Variants in UBE3C observed in about 807,000 individuals in gnomAD.
UBE3C encodes the protein ubiquitin-protein ligase E3C.
UBE3C carries 42 observed loss-of-function variants against 129.4 expected under a neutral mutation model. The observed-to-expected ratio is 0.32, with a 90% CI of 0.25 to 0.42. The LOEUF (loss-of-function observed/expected upper bound fraction) is 0.42. Among genes scored for constraint, UBE3C ranks in the 10% least tolerant of loss-of-function variants. The pLI is 1.00. For missense variants in UBE3C, 1,049 were observed against 1,319.1 expected, an observed-to-expected ratio of 0.80 and a Z score of 3.17; for synonymous variants, 510 against 492.4, an observed-to-expected ratio of 1.04 and a Z score of -0.47.
intron 17 of UBE3C, among the ~76,000 whole-genome samples, chr7:157,225,845 A>C (rs567378260): frequency 1.3e-5 from 2 of 152,122 alleles, no homozygotes; most frequent in African/African-American, 4.8e-5. Flanking sequence ...CTGCTCTGCA[A>C]AAGGCTGAGG....
chr7:157,158,072 T>C (rs77259861), intron 1 of UBE3C, among the ~76,000 whole-genome samples: 24 of 123,628 alleles, frequency 1.9e-4, no homozygotes, highest in Non-Finnish European at 2.9e-4. Flanking sequence ...TTTTTTTTTT[T>C]CCTGTAAAGG....
rs909116475 is a variant in UBE3C, at chr7:157,143,939, G to C, written c.66+4601G>C. Reference sequence around the variant, plus strand: ...TACTTACAAAAGAGTCACACCTCCGGGAGTGGAGGAGAGTGGTGTCCAGGG... The same window carrying C: ...TACTTACAAAAGAGTCACACCTCCGCGAGTGGAGGAGAGTGGTGTCCAGGG... On this transcript the variant is annotated intron_variant, in intron 1 of 22. Transcript: ENST00000348165. Among the ~76,000 whole-genome samples the C allele has an allele frequency of 2.0e-5, 3 of 152,186 alleles. No homozygotes were observed. In the South Asian group the frequency reaches 6.2e-4, roughly 32 times the overall value.
intron 10 of UBE3C, chr7:157,192,534 T>C: frequency 2.6e-6 from 2 of 763,744 alleles, no homozygotes; most frequent in Non-Finnish European, 4.8e-6. Context: ...GGATGTACTG[T>C]CTGACTACAA....
chr7:157,156,300 CTT>C (rs1173730075), intron 1 of UBE3C, among the ~76,000 whole-genome samples: 6,209 of 85,060 alleles, frequency 0.073, 44 homozygotes, highest in African/African-American at 0.12. Context: ...ACCCCCAGTT[CTT>C]TTTTTTTTTT....
intron 22 of UBE3C, among the ~76,000 whole-genome samples, chr7:157,261,576 G>A (rs1429075270): frequency 5.3e-5 from 8 of 152,042 alleles, no homozygotes; most frequent in African/African-American, 7.2e-5. Flanking sequence ...TAGGCTTTCC[G>A]GTTAGCTTAG....
intron 22 of UBE3C, among the ~76,000 whole-genome samples, chr7:157,258,456 T>G (rs1340744064): frequency 6.6e-6 from 1 of 152,062 alleles, no homozygotes; most frequent in Non-Finnish European, 1.5e-5. Context: ...CTGTTTTGTT[T>G]GTTTCTTTGT....
chr7:157,251,919 G>A lies in UBE3C; in HGVS notation c.2695-2035G>A, dbSNP rs866407752. On this transcript the variant is annotated intron_variant, in intron 19 of 22. Transcript: ENST00000348165. ...GGAGGCCAAGGCAGGCAGATCATTTGAGGTCAGGAGTTCAGACCAGCCTGG... is the reference window on the plus strand; with the variant it reads ...GGAGGCCAAGGCAGGCAGATCATTTAAGGTCAGGAGTTCAGACCAGCCTGG... Among the ~76,000 whole-genome samples, 3 of 152,212 alleles carry A rather than the reference G, an allele frequency of 2.0e-5. No individual in the cohort carries two copies. The South Asian group carries it at 6.2e-4, about 32-fold the overall frequency.
At chr7:157,169,228 T>G in intron 3 of UBE3C, 106 bp downstream of exon 3, 1 of 724,754 alleles carries the variant, frequency 1.4e-6, no homozygotes, top group South Asian at 2.2e-5. Context: ...GACAGTAGTA[T>G]TCTTCCCAAT....
chr7:157,204,412 A>G (rs1563055005), intron 11 of UBE3C, among the ~76,000 whole-genome samples: 3 of 151,796 alleles, frequency 2.0e-5, no homozygotes, highest in South Asian at 4.2e-4. Flanking sequence ...AAAAAAAAAA[A>G]AAAAAATTTC....
intron 1 of UBE3C, among the ~76,000 whole-genome samples, chr7:157,144,696 A>C (rs1421554856): frequency 1.3e-5 from 2 of 151,944 alleles, no homozygotes; most frequent in African/African-American, 4.8e-5. Context: ...TTTTTAAAAA[A>C]AAATAGACTT....
chr7:157,160,770 C>T (rs1167105784), intron 1 of UBE3C, among the ~76,000 whole-genome samples: 2 of 152,192 alleles, frequency 1.3e-5, no homozygotes, highest in African/African-American at 4.8e-5. Flanking sequence ...TAGATCTTGT[C>T]TGCAGTGTTT....
At chr7:157,202,956 T>C (rs1444905059) in intron 11 of UBE3C, among the ~76,000 whole-genome samples, 3 of 152,242 alleles carry the variant, frequency 2.0e-5, no homozygotes, top group African/African-American at 7.2e-5. Flanking sequence ...ATCTAAAATA[T>C]AAACACACTC....
At chr7:157,207,670 A>G in intron 12 of UBE3C, 33 bp from the exon 13 acceptor site, 1 of 1,599,278 alleles carries the variant, frequency 6.3e-7, no homozygotes, top group South Asian at 1.1e-5. Flanking sequence ...AGATGGAAAA[A>G]GAAACAATAG....
intron 1 of UBE3C, among the ~76,000 whole-genome samples, chr7:157,149,615 A>T (rs1195538859): frequency 1.3e-5 from 2 of 152,144 alleles, no homozygotes; most frequent in Non-Finnish European, 2.9e-5. Context: ...GATATCCCCT[A>T]CTTGGCTTTA....
chr7:157,140,077 C>T (rs1228616759), intron 1 of UBE3C: 2 of 977,912 alleles, frequency 2.0e-6, no homozygotes, highest in South Asian at 4.7e-5. Context: ...TCTAGAATTT[C>T]TAGCTGTCTG....
intron 2 of UBE3C, among the ~76,000 whole-genome samples, chr7:157,167,377 G>A (rs1808246186): frequency 6.6e-6 from 1 of 152,158 alleles, no homozygotes; most frequent in Non-Finnish European, 1.5e-5. Context: ...ATGGTGAGAT[G>A]GAGTACAGGC....
intron 11 of UBE3C, among the ~76,000 whole-genome samples, chr7:157,205,346 T>C (rs145887398): frequency 2.6e-5 from 4 of 152,278 alleles, no homozygotes; most frequent in African/African-American, 9.6e-5. Flanking sequence ...CCTTTTTTTT[T>C]TGGACCCAAT....
intron 10 of UBE3C, among the ~76,000 whole-genome samples, chr7:157,189,895 G>A (rs1477215288): frequency 6.6e-6 from 1 of 152,094 alleles, no homozygotes; most frequent in African/African-American, 2.4e-5. Context: ...CCACCTCCAG[G>A]GTTCAAGCGA....
chr7:157,216,444 T>TA (rs1341774476), intron 13 of UBE3C, among the ~76,000 whole-genome samples: 1 of 151,984 alleles, frequency 6.6e-6, no homozygotes, highest in Non-Finnish European at 1.5e-5. Flanking sequence ...TACGCATCCT[T>TA]AGATCACTCA....
Sources: allele counts gnomAD v4.1 joint callset (sites outside exome capture counted in the v4.1 genomes callset), GRCh38; gene constraint gnomAD v4.1.1; transcripts MANE v1.5; gene names NCBI Gene and HGNC (gene_info 2026-07-23, HGNC 2026-07-21).